Variants in CDC20B observed in about 807,000 individuals in gnomAD.
The protein encoded by CDC20B is cell division cycle 20B.
In CDC20B, 58 loss-of-function variants were observed where a neutral mutation model predicts 64.1. The ratio of observed to expected loss-of-function variants is 0.90; its 90% confidence interval spans 0.73 to 1.13. The LOEUF is 1.13. CDC20B is among the 50% of genes most tolerant of loss of function. The pLI is 0.00. For missense variants in CDC20B, 597 were observed against 633.0 expected, an observed-to-expected ratio of 0.94 and a Z score of 0.61; for synonymous variants, 243 against 230.6, an observed-to-expected ratio of 1.05 and a Z score of -0.49.
chr5:55,160,908 A>C lies in CDC20B; in HGVS notation c.126+11680T>G, dbSNP rs1744010871. On this transcript the variant is annotated intron_variant, in intron 2 of 11. Coordinates refer to ENST00000381375, the MANE Select transcript of CDC20B (RefSeq NM_001170402.1). ...TCAATCAGAGGTTATAGTCCCCCCC[A>C]AATTGTTTAGGATTTTAACTACTTG... The C allele has an allele frequency of 3.6e-6, 5 of 1,394,278 alleles. No individual in the cohort carries two copies. The East Asian group carries it at 1.2e-4, about 33-fold the overall frequency. 86.4% of individuals were successfully genotyped at this position (1,394,278 alleles called of 1,614,324 possible).
intron 2 of CDC20B, among the ~76,000 whole-genome samples, chr5:55,147,452 G>T (rs1334785394): frequency 1.4e-5 from 2 of 144,548 alleles, no homozygotes; most frequent in Admixed American, 6.9e-5. Flanking sequence ...ATATACAAAA[G>T]TTATATTTTA....
At chr5:55,140,711 T>C (rs1316506514) in intron 4 of CDC20B, among the ~76,000 whole-genome samples, 1 of 152,218 alleles carries the variant, frequency 6.6e-6, no homozygotes, top group East Asian at 1.9e-4. Flanking sequence ...GTTTAGCCTA[T>C]ACACCATAGG....
chr5:55,171,653 A>T (rs2111621834), intron 2 of CDC20B, among the ~76,000 whole-genome samples: 1 of 152,196 alleles, frequency 6.6e-6, no homozygotes, highest in South Asian at 2.1e-4. Flanking sequence ...TCCAGGCTGG[A>T]GTGCAGTTGT....
chr5:55,119,490 G>A (rs1337590751), intron 11 of CDC20B, among the ~76,000 whole-genome samples: 1 of 152,060 alleles, frequency 6.6e-6, no homozygotes, highest in East Asian at 1.9e-4. Flanking sequence ...CTACACCGCT[G>A]GTTTTTCTTC....
At chr5:55,152,004 A>G (rs1289822458) in intron 2 of CDC20B, among the ~76,000 whole-genome samples, 2 of 152,258 alleles carry the variant, frequency 1.3e-5, no homozygotes, top group Non-Finnish European at 2.9e-5. Context: ...ATGCAATCAC[A>G]TGTATCCCTG....
intron 2 of CDC20B, among the ~76,000 whole-genome samples, chr5:55,171,339 C>CTT (rs1744592546): frequency 6.6e-6 from 1 of 152,098 alleles, no homozygotes; most frequent in Admixed American, 6.6e-5. Context: ...AGTTACTTAA[C>CTT]TATAGCTTTT....
At chr5:55,141,952 C>T (rs144823475) in intron 4 of CDC20B, among the ~76,000 whole-genome samples, 1,554 of 152,176 alleles carry the variant, frequency 0.01, 29 homozygotes, top group African/African-American at 0.031. Flanking sequence ...GTAAAATCAC[C>T]CTGAGTTGAG....
At chr5:55,151,387 T>G (rs1462337661) in intron 2 of CDC20B, among the ~76,000 whole-genome samples, 1 of 152,094 alleles carries the variant, frequency 6.6e-6, no homozygotes, top group African/African-American at 2.4e-5. Flanking sequence ...GCCCTTACCC[T>G]CACAGGTACC....
chr5:55,172,619 A>C lies in CDC20B; in HGVS notation c.95T>G (p.Leu32Trp). Residue 32 changes from leucine to tryptophan, a missense_variant, in exon 2 of 12, where the codon TTG (leucine) becomes TGG (tryptophan). Coordinates refer to ENST00000381375, the MANE Select transcript of CDC20B (RefSeq NM_001170402.1). Reference sequence around the variant, plus strand: ...GGAATCTTGACTTCTCTTCTGCTTCAAGTCTTTGGAGAGCACACGCATGAT... The same window carrying C: ...GGAATCTTGACTTCTCTTCTGCTTCCAGTCTTTGGAGAGCACACGCATGAT... ...ESIMRVLSKD[L>W]KQKRSQDSAN... is the part of the protein sequence containing the mutation. 6.2e-7 allele frequency: 1 copy of C among 1,613,638 alleles called. No homozygotes were observed. Among genetic ancestry groups the C allele is most frequent in the Non-Finnish European group, 8.5e-7 (1 of 1,179,576 alleles).
chr5:55,171,205 C>G (rs111416873), intron 2 of CDC20B, among the ~76,000 whole-genome samples: 13,661 of 152,128 alleles, frequency 0.09, 744 homozygotes, highest in East Asian at 0.26. Context: ...CCCAGCTACT[C>G]AGGAGGCTGA....
chr5:55,152,565 T>A (rs945739509), intron 2 of CDC20B, among the ~76,000 whole-genome samples: 2 of 152,200 alleles, frequency 1.3e-5, no homozygotes, highest in Non-Finnish European at 2.9e-5. Flanking sequence ...AGCTGTACAC[T>A]ACATACAGCT....
chr5:55,116,992 C>T (rs895749245), intron 11 of CDC20B, among the ~76,000 whole-genome samples: 1 of 152,102 alleles, frequency 6.6e-6, no homozygotes, highest in Non-Finnish European at 1.5e-5. Context: ...CCTTTTTAGG[C>T]TTTATTTTCT....
In CDC20B at chr5:55,140,389, A is replaced by G. The variant is rs1482924847; in HGVS notation, c.505T>C (p.Phe169Leu). 1.2e-6 allele frequency: 2 copies of G among 1,612,672 alleles called. No homozygotes were observed. Among genetic ancestry groups the G allele is most frequent in the Non-Finnish European group, 1.7e-6 (2 of 1,179,350 alleles). Reference sequence around the variant, plus strand: ...TGCTGAACCACGTTCTGGGTTACAAAGAGTTGTTTTAGGCATTTCTGAAAA... The same window carrying G: ...TGCTGAACCACGTTCTGGGTTACAAGGAGTTGTTTTAGGCATTTCTGAAAA... ...SKGQKCLKQL[F>L]VTQNVVQQAN... The change falls in exon 5 of 12, where the codon TTT becomes CTT. Residue 169 changes from phenylalanine (F) to leucine (L), a missense_variant. By Grantham distance (22) the Phe-to-Leu change is conservative. Around this residue, in one of 3 missense-constraint regions of CDC20B, gnomAD observed 241 missense variants for 219.2 expected, o/e 1.10. Transcript: ENST00000381375.
At chr5:55,131,642 G>A (rs898676593) in intron 6 of CDC20B, among the ~76,000 whole-genome samples, 2 of 152,342 alleles carry the variant, frequency 1.3e-5, no homozygotes, top group Admixed American at 6.5e-5. Flanking sequence ...ATGTTTGGAA[G>A]AGTAGTTTCA....
chr5:55,148,769 T>C (rs751148673), intron 2 of CDC20B, among the ~76,000 whole-genome samples: 1 of 152,240 alleles, frequency 6.6e-6, no homozygotes, highest in Non-Finnish European at 1.5e-5. Flanking sequence ...CAGCATTTAT[T>C]GAGTAGTTAC....
chr5:55,141,301 T>C lies in CDC20B; in HGVS notation c.487-894A>G, dbSNP rs553886154. On this transcript the variant is annotated intron_variant, in intron 4 of 11. Coordinates refer to ENST00000381375, the MANE Select transcript of CDC20B (RefSeq NM_001170402.1). ...CAGGGTCAGCAGCTTAACACTTTCTTTCTCTGGGCACGAGCAAGCCAAGCT... is the reference window on the plus strand; with the variant it reads ...CAGGGTCAGCAGCTTAACACTTTCTCTCTCTGGGCACGAGCAAGCCAAGCT... 2.6e-5 allele frequency among the ~76,000 whole-genome samples: 4 copies of C among 152,312 alleles called. No individual in the cohort carries two copies. In the East Asian group the frequency reaches 7.7e-4, roughly 29 times the overall value.
intron 1 of CDC20B, 143 bp downstream of exon 1, chr5:55,172,795 A>G: frequency 1.1e-6 from 1 of 940,016 alleles, no homozygotes; most frequent in Non-Finnish European, 1.6e-6. Flanking sequence ...GCACCTTCAG[A>G]ATATAACTAA....
intron 2 of CDC20B, among the ~76,000 whole-genome samples, chr5:55,153,996 G>C (rs1743743646): frequency 6.6e-6 from 1 of 152,134 alleles, no homozygotes; most frequent in African/African-American, 2.4e-5. Flanking sequence ...TCCAGAACAG[G>C]AGCAATCTAA....
At position 55,114,207 on chromosome 5, in the gene CDC20B, G is replaced by A. The variant is rs372227357; in HGVS notation, c.*11C>T. 4.3e-6 allele frequency: 7 copies of A among 1,612,248 alleles called. No homozygotes were observed. The highest frequency in any genetic ancestry group is 3.4e-6 in the Non-Finnish European group (4 of 1,179,174). ...AGAAATAAGGAAACTGAAACCTAGA[G>A]GGGCTGGGTGCTAGTAGCAATTCCA... On this transcript the variant is annotated 3_prime_UTR_variant, in exon 12 of 12. Transcript: ENST00000381375. This position sits in a 1 kb window ranked among gnomAD's most constrained non-coding sequence, Gnocchi z 4.1.
Sources: gnomAD v4.1 joint callset for allele counts (sites outside exome capture counted in the v4.1 genomes callset) on GRCh38, gnomAD v4.1.1 for gene constraint, gnomAD v4.1.1 regional missense constraint, Gnocchi (gnomAD v3.1) non-coding constraint, MANE v1.5 for transcripts, NCBI Gene and HGNC (gene_info 2026-07-23, HGNC 2026-07-21) for gene names.